The following COG6 variants were observed in gnomAD, a reference collection of about 807,000 sequenced individuals.
The protein encoded by COG6 is component of oligomeric golgi complex 6.
COG6 carries 74 observed loss-of-function variants against 88.8 expected under a neutral mutation model. That is an observed-to-expected ratio of 0.83 (90% confidence interval 0.69 to 1.01). The LOEUF is 1.01. COG6 is among the 50% of genes least tolerant of loss of function. The pLI is 0.00. For missense variants in COG6, 800 were observed against 797.9 expected, an observed-to-expected ratio of 1.00 and a Z score of -0.03; for synonymous variants, 286 against 278.7, an observed-to-expected ratio of 1.03 and a Z score of -0.26.
chr13:39,683,857 A>C (rs888948375), intron 8 of COG6, among the ~76,000 whole-genome samples: 7 of 152,156 alleles, frequency 4.6e-5, no homozygotes, highest in African/African-American at 1.7e-4. Context: ...CAAAACTTGG[A>C]AAGGAGCAAT....
At chr13:39,788,483 CCT>C in exon 19 of COG6, 1 of 818,148 alleles carries the variant, frequency 1.2e-6, no homozygotes, top group Non-Finnish European at 2.0e-6. Flanking sequence ...GTCATCTTCC[CCT>C]GTCTACTCTG....
chr13:39,678,489 T>C (rs1403974552), intron 5 of COG6, among the ~76,000 whole-genome samples: 1 of 152,252 alleles, frequency 6.6e-6, no homozygotes, highest in Non-Finnish European at 1.5e-5. Flanking sequence ...ATTAATTTTT[T>C]AAGCTATTCC....
At chr13:39,672,743 C>T (rs1160495385) in intron 4 of COG6, among the ~76,000 whole-genome samples, 1 of 151,894 alleles carries the variant, frequency 6.6e-6, no homozygotes, top group East Asian at 1.9e-4. Flanking sequence ...ATGTTTTATT[C>T]CTCTTAGGTA....
intron 13 of COG6, among the ~76,000 whole-genome samples, chr13:39,707,289 C>A (rs1488715991): frequency 6.6e-6 from 1 of 151,794 alleles, no homozygotes; most frequent in Non-Finnish European, 1.5e-5. Flanking sequence ...CCACCACACC[C>A]AGCTAATTTT....
Position 39,779,720 on chromosome 13 carries a change from G to C in COG6, c.1827-8615G>C, listed in dbSNP as rs142692278. 4.3e-3 allele frequency among the ~76,000 whole-genome samples: 648 copies of C among 152,194 alleles called. 8 individuals are homozygous for C. The highest frequency in any genetic ancestry group is 0.015 in the African/African-American group (616 of 41,520). On this transcript the variant is annotated intron_variant, in intron 18 of 18. Coordinates refer to the COG6 transcript ENST00000416691. Reference sequence around the variant, plus strand: ...CTTCATTGAACGAAGACCTCTCCAGGGTTCTGTCCTAAAGTCACCTCAGAA... The same window carrying C: ...CTTCATTGAACGAAGACCTCTCCAGCGTTCTGTCCTAAAGTCACCTCAGAA...
chr13:39,679,925 G>A (rs955995467), intron 6 of COG6, 50 bp from the exon 7 acceptor site: 2 of 954,228 alleles, frequency 2.1e-6, no homozygotes, highest in Non-Finnish European at 3.4e-6. Flanking sequence ...TAGGTGCTTA[G>A]ATGTATCTGT....
intron 18 of COG6, among the ~76,000 whole-genome samples, chr13:39,766,266 A>T (rs559393882): frequency 6.6e-6 from 1 of 152,004 alleles, no homozygotes; most frequent in Non-Finnish European, 1.5e-5. Flanking sequence ...TACTTCTCCC[A>T]CTTGGCAACT....
chr13:39,674,216 C>A (rs1010807860), intron 4 of COG6, among the ~76,000 whole-genome samples: 1 of 150,924 alleles, frequency 6.6e-6, no homozygotes, highest in Non-Finnish European at 1.5e-5. Context: ...CCCCCCTCCC[C>A]CTACCCCACG....
chr13:39,787,038 G>A (rs1881794390), intron 18 of COG6, among the ~76,000 whole-genome samples: 1 of 152,178 alleles, frequency 6.6e-6, no homozygotes, highest in South Asian at 2.1e-4. Context: ...ATGGGAAATG[G>A]AAGGCACCAC....
chr13:39,708,679 A>G (rs543106109), intron 13 of COG6, among the ~76,000 whole-genome samples: 1 of 152,274 alleles, frequency 6.6e-6, no homozygotes, highest in South Asian at 2.1e-4. Flanking sequence ...GTCTGGTAAA[A>G]TATAACAATA....
chr13:39,742,816 A>G (rs1880123283), intron 18 of COG6, among the ~76,000 whole-genome samples: 1 of 152,204 alleles, frequency 6.6e-6, no homozygotes, highest in Non-Finnish European at 1.5e-5. Flanking sequence ...TCTCAGCACC[A>G]CATCGCACTT....
chr13:39,736,520 CTG>C (rs1465413285), intron 18 of COG6, among the ~76,000 whole-genome samples: 1 of 152,034 alleles, frequency 6.6e-6, no homozygotes, highest in Non-Finnish European at 1.5e-5. Context: ...TGGAGAAACC[CTG>C]TCTCTATAAA....
At chr13:39,775,206 A>G (rs1229254690) in intron 18 of COG6, among the ~76,000 whole-genome samples, 1 of 152,196 alleles carries the variant, frequency 6.6e-6, no homozygotes, top group Non-Finnish European at 1.5e-5. Flanking sequence ...ACTCTGGGAA[A>G]GTAACATAAC....
intron 7 of COG6, 44 bp downstream of exon 7, chr13:39,680,089 A>AGTT (rs770429444): frequency 8.5e-7 from 1 of 1,174,398 alleles, no homozygotes. Flanking sequence ...GAACATTTGT[A>AGTT]GTTGTTTTTT....
In COG6 at chr13:39,752,494, A is replaced by G. The variant is rs1473271974; in HGVS notation, c.*1401A>G. The G allele has an allele frequency of 1.7e-6, 2 of 1,143,838 alleles. No individual in the cohort carries two copies. Among genetic ancestry groups the G allele is most frequent in the Non-Finnish European group, 2.3e-6 (2 of 878,608 alleles). The allele number at this position is 1,143,838 out of a possible 1,614,324, so 70.9% of individuals were successfully genotyped here. On this transcript the variant is annotated 3_prime_UTR_variant, in exon 19 of 19. Transcript: ENST00000455146. ...AAGACAGAAAATAAAGTATAAATCAAGAGCTTAAATTGTATATAATTTATT... is the reference window on the plus strand; with the variant it reads ...AAGACAGAAAATAAAGTATAAATCAGGAGCTTAAATTGTATATAATTTATT...
chr13:39,706,764 A>G (rs867997802), intron 13 of COG6, among the ~76,000 whole-genome samples: 62 of 151,014 alleles, frequency 4.1e-4, no homozygotes, highest in African/African-American at 1.4e-3. Flanking sequence ...GCTCACTGCA[A>G]CCTCCTCCTC....
chr13:39,774,104 G>A (rs1881396205), intron 18 of COG6, among the ~76,000 whole-genome samples: 2 of 152,058 alleles, frequency 1.3e-5, no homozygotes, highest in South Asian at 4.1e-4. Context: ...GGGCAAATGA[G>A]AGCATGCTAT....
chr13:39,717,322 C>T (rs181928780), intron 13 of COG6, among the ~76,000 whole-genome samples: 38 of 151,912 alleles, frequency 2.5e-4, no homozygotes, highest in Middle Eastern at 6.8e-3. Context: ...TCTTGGGGGT[C>T]AGTTAGCTTC....
rs1203671335 is a variant in COG6 at position 39,684,243 on chromosome 13, A to ATTTTTTTT, written c.788+1997_788+2004dup. On this transcript the variant is annotated intron_variant, in intron 8 of 18. Coordinates refer to ENST00000455146, the MANE Select transcript of COG6 (RefSeq NM_020751.3). ...GGGGGCAGTAATGGCAATTTGGAAG[A>ATTTTTTTT]TTTTTTTTTTTTTTTTTTTTTTTTT... 6.4e-3 allele frequency among the ~76,000 whole-genome samples: 433 copies of ATTTTTTTT among 67,354 alleles called. 107 individuals carry two copies. The East Asian group carries it at 0.16, about 25-fold the overall frequency. The allele number at this position is 67,354 out of a possible 152,430, so 44.2% of individuals were successfully genotyped here. A position where few individuals can be genotyped will look rare whatever the true frequency, so the allele number is the denominator to read the frequency against.
Sources: allele counts gnomAD v4.1 joint callset (sites outside exome capture counted in the v4.1 genomes callset), GRCh38; gene constraint gnomAD v4.1.1; transcripts MANE v1.5; gene names NCBI Gene and HGNC (gene_info 2026-07-23, HGNC 2026-07-21).